Variants in ARHGAP24 observed in about 807,000 individuals in gnomAD.
The protein encoded by ARHGAP24 is Rho GTPase activating protein 24.
A neutral mutation model predicts 76.4 loss-of-function variants in ARHGAP24; 50 were observed. The observed-to-expected ratio is 0.65, with a 90% CI of 0.52 to 0.83. The LOEUF is 0.83. ARHGAP24 is among the 40% of genes least tolerant of loss of function. The probability of loss-of-function intolerance (pLI) is 0.00; values close to 1 mark genes in which losing one functional copy is unlikely to be tolerated. For synonymous variants in ARHGAP24, 345 were observed against 323.3 expected (o/e 1.07, Z -0.72); for missense variants, 930 against 914.2 (o/e 1.02, Z -0.22).
intron 3 of ARHGAP24, among the ~76,000 whole-genome samples, chr4:85,827,517 T>TGTGTGTGTG (rs1553933033): frequency 2.0e-3 from 247 of 126,170 alleles, no homozygotes; most frequent in Non-Finnish European, 2.5e-3. Context: ...TGTGTGTGTG[T>TGTGTGTGTG]TTAGAGAGAG....
intron 8 of ARHGAP24, among the ~76,000 whole-genome samples, chr4:85,988,551 CTG>C (rs1740137723): frequency 6.6e-6 from 1 of 150,602 alleles, no homozygotes; most frequent in African/African-American, 2.4e-5. Flanking sequence ...AAAAAATAAA[CTG>C]AGGTATTAGG....
At chr4:85,475,877 C>T (rs527507958) in intron 1 of ARHGAP24, among the ~76,000 whole-genome samples, 113 of 151,960 alleles carry the variant, frequency 7.4e-4, no homozygotes, top group African/African-American at 2.4e-3. Flanking sequence ...TTAATAAAAA[C>T]CCTTTGTACA....
chr4:85,673,409 G>T (rs1722873994), intron 2 of ARHGAP24, among the ~76,000 whole-genome samples: 2 of 152,048 alleles, frequency 1.3e-5, no homozygotes, highest in African/African-American at 4.8e-5. Context: ...TGAATTTTAT[G>T]ATATCTTTCA....
chr4:85,605,866 AG>A (rs1164713374), intron 2 of ARHGAP24, among the ~76,000 whole-genome samples: 12 of 152,318 alleles, frequency 7.9e-5, no homozygotes, highest in Middle Eastern at 3.4e-3. Context: ...CAGTCTGAAA[AG>A]GTTACAGGGA....
intron 7 of ARHGAP24, 106 bp downstream of exon 7, chr4:85,975,067 G>C: frequency 2.0e-6 from 2 of 977,242 alleles, no homozygotes; most frequent in South Asian, 1.3e-5. Flanking sequence ...TCGAGCCCTA[G>C]TGTTGGCCTC....
intron 1 of ARHGAP24, among the ~76,000 whole-genome samples, chr4:85,550,895 T>A (rs1578027426): frequency 6.6e-6 from 1 of 152,222 alleles, no homozygotes; most frequent in East Asian, 1.9e-4. Flanking sequence ...CCTGAAACTT[T>A]GCTGAAGTTG....
intron 1 of ARHGAP24, among the ~76,000 whole-genome samples, chr4:85,558,483 T>C (rs1726475219): frequency 6.6e-6 from 1 of 152,182 alleles, no homozygotes; most frequent in African/African-American, 2.4e-5. Flanking sequence ...TAGCAGTACT[T>C]CATCAAAGAT....
chr4:85,797,416 A>G (rs946841203), intron 3 of ARHGAP24, among the ~76,000 whole-genome samples: 1 of 151,728 alleles, frequency 6.6e-6, no homozygotes, highest in Non-Finnish European at 1.5e-5. Flanking sequence ...CTTGTGATCC[A>G]CCCGCCTCGG....
At chr4:85,477,194 A>C (rs1377378951) in intron 1 of ARHGAP24, among the ~76,000 whole-genome samples, 2 of 152,194 alleles carry the variant, frequency 1.3e-5, no homozygotes, top group Admixed American at 1.3e-4. Flanking sequence ...TACTAGGAAA[A>C]ATAATCGGTA....
At chr4:85,689,457 G>C (rs779427754) in intron 2 of ARHGAP24, among the ~76,000 whole-genome samples, 12 of 151,956 alleles carry the variant, frequency 7.9e-5, no homozygotes, top group African/African-American at 1.4e-4. Flanking sequence ...TGCAATCTCA[G>C]CTCACTACAA....
intron 2 of ARHGAP24, among the ~76,000 whole-genome samples, chr4:85,666,201 G>A (rs189736493): frequency 2.0e-5 from 3 of 152,282 alleles, no homozygotes; most frequent in African/African-American, 7.2e-5. Context: ...ATTTCTTGGA[G>A]GCTTTGTTCG....
chr4:85,725,142 A>C (rs1292552417), intron 3 of ARHGAP24, among the ~76,000 whole-genome samples: 1 of 146,652 alleles, frequency 6.8e-6, no homozygotes, highest in African/African-American at 2.5e-5. Flanking sequence ...AGTTTCTCAG[A>C]GAAAAAAATA....
chr4:85,834,136 A>AT (rs2110139047), intron 3 of ARHGAP24, among the ~76,000 whole-genome samples: 1 of 152,254 alleles, frequency 6.6e-6, no homozygotes, highest in East Asian at 1.9e-4. Flanking sequence ...GGAGGAGTGA[A>AT]TTTTTTCTAG....
intron 2 of ARHGAP24, among the ~76,000 whole-genome samples, chr4:85,673,410 A>T (rs1008709319): frequency 6.6e-6 from 1 of 152,006 alleles, no homozygotes; most frequent in African/African-American, 2.4e-5. Context: ...GAATTTTATG[A>T]TATCTTTCAA....
chr4:85,680,709 T>G lies in ARHGAP24; in HGVS notation c.181-41176T>G, dbSNP rs189292933. On this transcript the variant is annotated intron_variant, in intron 2 of 9. Coordinates refer to ENST00000395184, the MANE Select transcript of ARHGAP24 (RefSeq NM_001025616.3). Reference sequence around the variant, plus strand: ...AGAAATTAAATAAAAAATGAAAATATTCTGAAACCAAACCCATGTGCCTGG... The same window carrying G: ...AGAAATTAAATAAAAAATGAAAATAGTCTGAAACCAAACCCATGTGCCTGG... Among the ~76,000 whole-genome samples, 476 of 151,514 alleles carry G rather than the reference T, an allele frequency of 3.1e-3. 2 individuals carry two copies. The highest frequency in any genetic ancestry group is 4.9e-3 in the Non-Finnish European group (333 of 67,898).
At chr4:85,631,547 T>G (rs1295918013) in intron 2 of ARHGAP24, among the ~76,000 whole-genome samples, 1 of 152,156 alleles carries the variant, frequency 6.6e-6, no homozygotes, top group East Asian at 1.9e-4. Flanking sequence ...ATTAGCATTT[T>G]CAGAATGTAT....
chr4:85,694,674 T>C (rs1723806207), intron 2 of ARHGAP24, among the ~76,000 whole-genome samples: 1 of 152,214 alleles, frequency 6.6e-6, no homozygotes, highest in Admixed American at 6.5e-5. Flanking sequence ...TGTGTGTGTG[T>C]GTGTATATGT....
At chr4:85,606,564 A>G (rs779150189) in intron 2 of ARHGAP24, among the ~76,000 whole-genome samples, 1 of 152,066 alleles carries the variant, frequency 6.6e-6, no homozygotes, top group Non-Finnish European at 1.5e-5. Context: ...TTTAAGATCG[A>G]AGTATAGTCT....
chr4:85,751,756 T>C (rs1052900625), intron 3 of ARHGAP24, among the ~76,000 whole-genome samples: 2 of 152,154 alleles, frequency 1.3e-5, no homozygotes, highest in African/African-American at 4.8e-5. Context: ...CAAGTTTGGA[T>C]GAAAGCACCA....
Sources: allele counts gnomAD v4.1 joint callset (sites outside exome capture counted in the v4.1 genomes callset), GRCh38; gene constraint gnomAD v4.1.1; transcripts MANE v1.5; gene names NCBI Gene and HGNC (gene_info 2026-07-23, HGNC 2026-07-21).